Variants in PLBD1 observed in about 807,000 individuals in gnomAD.
PLBD1 encodes lysosomal leucine aminopeptidase.
PLBD1 carries 60 observed loss-of-function variants against 63.0 expected under a neutral mutation model. That is an observed-to-expected ratio of 0.95 (90% CI 0.77 to 1.18). The LOEUF (loss-of-function observed/expected upper bound fraction) is 1.18, where lower values mean the gene tolerates loss of function less well. Among genes scored for constraint, PLBD1 ranks in the 50% most tolerant of loss-of-function variants. The pLI is 0.00. For synonymous variants in PLBD1, 262 were observed against 248.0 expected (o/e 1.06, Z -0.53); for missense variants, 598 against 677.9 (o/e 0.88, Z 1.31).
chr12:14,553,580 T>C (rs984119598), intron 1 of PLBD1, 168 bp from the exon 2 acceptor site: 1 of 645,412 alleles, frequency 1.5e-6, no homozygotes, highest in African/African-American at 1.8e-5. Flanking sequence ...GGGGAAAAAC[T>C]GGAATCCCAA....
intron 6 of PLBD1, among the ~76,000 whole-genome samples, chr12:14,531,800 T>C (rs1358682356): frequency 3.3e-5 from 5 of 152,122 alleles, no homozygotes; most frequent in Admixed American, 6.5e-5. Context: ...CTCGGCTGAT[T>C]TTTTTGTATT....
At chr12:14,556,495 G>A (rs1454960773) in intron 1 of PLBD1, among the ~76,000 whole-genome samples, 2 of 151,454 alleles carry the variant, frequency 1.3e-5, no homozygotes, top group Admixed American at 1.3e-4. Flanking sequence ...TCAGCCTCCC[G>A]AGTAGCTGAG....
intron 1 of PLBD1, among the ~76,000 whole-genome samples, chr12:14,557,658 G>A (rs1201107378): frequency 1.3e-5 from 2 of 152,032 alleles, no homozygotes; most frequent in Non-Finnish European, 2.9e-5. Flanking sequence ...ACATAGAAGG[G>A]AACAACAGAC....
At chr12:14,547,560 A>G (rs1216744739) in intron 2 of PLBD1, among the ~76,000 whole-genome samples, 2 of 152,116 alleles carry the variant, frequency 1.3e-5, no homozygotes, top group Non-Finnish European at 2.9e-5. Flanking sequence ...ACTAGCGTCA[A>G]CCTCATGGAT....
chr12:14,551,627 A>G (rs1945660320), intron 2 of PLBD1, among the ~76,000 whole-genome samples: 1 of 152,248 alleles, frequency 6.6e-6, no homozygotes, highest in South Asian at 2.1e-4. Context: ...AGCTCTAACA[A>G]TAACACCAAC....
chr12:14,534,455 A>T (rs1410320214), intron 6 of PLBD1, among the ~76,000 whole-genome samples: 8 of 151,898 alleles, frequency 5.3e-5, no homozygotes, highest in Admixed American at 5.2e-4. Flanking sequence ...AAATTCTTGG[A>T]TGGAGAACAG....
At chr12:14,511,784 CT>C in intron 6 of PLBD1, 73 bp from the exon 7 acceptor site, 2 of 1,399,020 alleles carry the variant, frequency 1.4e-6, no homozygotes, top group Non-Finnish European at 2.0e-6. Flanking sequence ...TGACAAAGAG[CT>C]TTACATACAC....
At chr12:14,547,180 TTGTGTGTGTG>T (rs56182227) in intron 2 of PLBD1, among the ~76,000 whole-genome samples, 137 of 138,214 alleles carry the variant, frequency 9.9e-4, no homozygotes, top group African/African-American at 2.5e-3. Context: ...GCACCTGGCT[TTGTGTGTGTG>T]TGTGTGTGTG....
chr12:14,520,140 T>G (rs576126693), intron 6 of PLBD1, among the ~76,000 whole-genome samples: 2 of 152,176 alleles, frequency 1.3e-5, no homozygotes. Flanking sequence ...ATAGGTGAGT[T>G]TGCTGCAACT....
At chr12:14,536,379 AC>A (rs1945514643) in intron 5 of PLBD1, among the ~76,000 whole-genome samples, 190 bp downstream of exon 5, 3 of 152,228 alleles carry the variant, frequency 2.0e-5, no homozygotes, top group African/African-American at 7.2e-5. Context: ...TGGTGGAAGA[AC>A]AGATGTAACA....
intron 2 of PLBD1, among the ~76,000 whole-genome samples, chr12:14,552,491 G>A (rs562749540): frequency 2.6e-5 from 4 of 152,284 alleles, no homozygotes; most frequent in South Asian, 4.1e-4. Context: ...TGCACCAACC[G>A]TTTATTTTTA....
intron 1 of PLBD1, among the ~76,000 whole-genome samples, chr12:14,566,762 TG>T (rs1456420559): frequency 4.1e-5 from 6 of 146,098 alleles, no homozygotes; most frequent in Non-Finnish European, 8.9e-5. Context: ...ATCTGCAGAA[TG>T]GGGAATATAA....
chr12:14,535,896 T>C, intron 5 of PLBD1, 93 bp from the exon 6 acceptor site: 1 of 1,340,062 alleles, frequency 7.5e-7, no homozygotes, highest in Non-Finnish European at 1.0e-6. Flanking sequence ...ATTGTGCCAT[T>C]TCAGGTAAGT....
chr12:14,516,628 G>A (rs1331955790), intron 6 of PLBD1, among the ~76,000 whole-genome samples: 2 of 152,118 alleles, frequency 1.3e-5, no homozygotes, highest in Non-Finnish European at 2.9e-5. Context: ...ATGAGAAGTA[G>A]GAACACACAC....
intron 1 of PLBD1, among the ~76,000 whole-genome samples, chr12:14,559,362 T>C (rs1005985531): frequency 6.6e-6 from 1 of 152,188 alleles, no homozygotes; most frequent in Non-Finnish European, 1.5e-5. Context: ...GGGGTCTCGC[T>C]CTGTTGCTCA....
chr12:14,552,668 A>G (rs527354962), intron 2 of PLBD1, among the ~76,000 whole-genome samples: 130 of 152,278 alleles, frequency 8.5e-4, no homozygotes, highest in Non-Finnish European at 1.6e-3. Flanking sequence ...TGGGAGGCAA[A>G]GATGGGAGGA....
At chr12:14,561,255 G>C (rs1452092527) in intron 1 of PLBD1, among the ~76,000 whole-genome samples, 9 of 151,636 alleles carry the variant, frequency 5.9e-5, no homozygotes, top group Admixed American at 5.3e-4. Context: ...GATTTGCTTA[G>C]ATCTGGAATG....
At chr12:14,537,228 C>A (rs1592003218) in intron 4 of PLBD1, among the ~76,000 whole-genome samples, 1 of 151,948 alleles carries the variant, frequency 6.6e-6, no homozygotes, top group Non-Finnish European at 1.5e-5. Flanking sequence ...TTTTGATAGC[C>A]CCAGAATTTG....
chr12:14,511,177 A>C (rs1945295420), intron 8 of PLBD1, 83 bp downstream of exon 8: 4 of 1,230,684 alleles, frequency 3.3e-6, no homozygotes, highest in Non-Finnish European at 1.1e-6. Flanking sequence ...CCCACCACAC[A>C]TTCACACAAT....
Sources: gnomAD v4.1 joint callset for allele counts (sites outside exome capture counted in the v4.1 genomes callset) on GRCh38, gnomAD v4.1.1 for gene constraint, MANE v1.5 for transcripts, NCBI Gene and HGNC (gene_info 2026-07-23, HGNC 2026-07-21) for gene names.